The following KIAA1217 variants were observed in gnomAD, a reference collection of about 807,000 sequenced individuals.
KIAA1217 encodes sickle tail protein homolog.
KIAA1217 carries 88 observed loss-of-function variants against 163.9 expected under a neutral mutation model. The ratio of observed to expected loss-of-function variants is 0.54; its 90% confidence interval spans 0.45 to 0.64. KIAA1217 has a LOEUF of 0.64. KIAA1217 is among the 30% of genes least tolerant of loss of function. KIAA1217 has a pLI of 0.00. For missense variants in KIAA1217, 2,372 were observed against 2,475.0 expected, an observed-to-expected ratio of 0.96 and a Z score of 0.88; for synonymous variants, 903 against 923.1, an observed-to-expected ratio of 0.98 and a Z score of 0.39.
At chr10:23,869,929 G>A (rs562652072) in intron 1 of KIAA1217, among the ~76,000 whole-genome samples, 12 of 152,092 alleles carry the variant, frequency 7.9e-5, no homozygotes, top group East Asian at 7.7e-4. Context: ...CTTAAATACC[G>A]CCAGCATATG....
At chr10:24,454,118 A>G (rs1174041601) in intron 5 of KIAA1217, among the ~76,000 whole-genome samples, 3 of 152,354 alleles carry the variant, frequency 2.0e-5, no homozygotes, top group African/African-American at 7.2e-5. Context: ...GTCCAAATGA[A>G]TTCTAATTCC....
chr10:23,871,903 A>G (rs1194123012), intron 1 of KIAA1217, among the ~76,000 whole-genome samples: 1 of 152,110 alleles, frequency 6.6e-6, no homozygotes, highest in African/African-American at 2.4e-5. Flanking sequence ...AGTGTCACCC[A>G]CATGCCAGGA....
In KIAA1217 at chr10:24,272,574, T is replaced by C. The variant is rs560135042; in HGVS notation, c.354+52665T>C. ...AGGTTGACTCATTGTCAAAGCCACA[T>C]TCTACTCAAACTCAATGTACATAAC... is the stretch of plus-strand genomic sequence containing the variant. On this transcript the variant is annotated intron_variant, in intron 2 of 20. Coordinates refer to ENST00000376454, the MANE Select transcript of KIAA1217 (RefSeq NM_019590.5). Among the ~76,000 whole-genome samples the C allele has an allele frequency of 4.6e-5, 7 of 152,354 alleles. No individual in the cohort carries two copies. The East Asian group carries it at 1.2e-3, about 25-fold the overall frequency.
At chr10:24,538,828 G>A (rs1031357553) in intron 17 of KIAA1217, among the ~76,000 whole-genome samples, 2 of 135,054 alleles carry the variant, frequency 1.5e-5, no homozygotes, top group African/African-American at 2.7e-5. Flanking sequence ...TCCGCCTCCC[G>A]GGTTCAAGCA....
At chr10:23,704,682 C>T (rs891906887) in intron 1 of KIAA1217, among the ~76,000 whole-genome samples, 1 of 152,258 alleles carries the variant, frequency 6.6e-6, no homozygotes, top group South Asian at 2.1e-4. Context: ...TATGGATATA[C>T]CACATTTTAT....
intron 1 of KIAA1217, among the ~76,000 whole-genome samples, chr10:23,924,923 AT>A (rs1382079621): frequency 6.7e-6 from 1 of 149,814 alleles, no homozygotes; most frequent in East Asian, 1.9e-4. Context: ...AATTTTAGAA[AT>A]TTTTAAAAGT....
chr10:24,391,069 A>G (rs897488209), intron 3 of KIAA1217, among the ~76,000 whole-genome samples: 1 of 152,172 alleles, frequency 6.6e-6, no homozygotes, highest in East Asian at 1.9e-4. Context: ...CTTTGAAGCA[A>G]TTGTTTAGTT....
At chr10:24,062,050 T>C (rs1407460940) in intron 2 of KIAA1217, among the ~76,000 whole-genome samples, 1 of 152,120 alleles carries the variant, frequency 6.6e-6, no homozygotes, top group Non-Finnish European at 1.5e-5. Flanking sequence ...TTCAGATGAC[T>C]TGGCTTTGAC....
intron 1 of KIAA1217, among the ~76,000 whole-genome samples, chr10:23,991,693 G>A (rs1846225858): frequency 6.6e-6 from 1 of 152,142 alleles, no homozygotes; most frequent in Non-Finnish European, 1.5e-5. Flanking sequence ...TGATATATCA[G>A]TATATCACAA....
intron 1 of KIAA1217, among the ~76,000 whole-genome samples, chr10:23,895,217 G>A (rs1035097782): frequency 6.6e-6 from 1 of 151,930 alleles, no homozygotes; most frequent in Non-Finnish European, 1.5e-5. Context: ...CCACAAAATG[G>A]GAGAAAATTT....
intron 1 of KIAA1217, among the ~76,000 whole-genome samples, chr10:23,973,571 A>G (rs1845410971): frequency 6.6e-6 from 1 of 152,252 alleles, no homozygotes. Flanking sequence ...GAGAACAAAT[A>G]CATGGATTTG....
At chr10:24,226,188 T>C (rs538668720) in intron 2 of KIAA1217, among the ~76,000 whole-genome samples, 1 of 152,190 alleles carries the variant, frequency 6.6e-6, no homozygotes, top group Admixed American at 6.5e-5. Context: ...TTTATGGTCT[T>C]TTCATTCATT....
intron 1 of KIAA1217, among the ~76,000 whole-genome samples, chr10:23,754,080 G>T (rs1833793225): frequency 1.3e-5 from 2 of 152,158 alleles, no homozygotes; most frequent in South Asian, 2.1e-4. Flanking sequence ...ACCTTTCTGG[G>T]TATCTGCCAG....
At chr10:24,337,490 C>T (rs2046488407) in intron 2 of KIAA1217, among the ~76,000 whole-genome samples, 1 of 152,152 alleles carries the variant, frequency 6.6e-6, no homozygotes, top group Non-Finnish European at 1.5e-5. Flanking sequence ...GGTTGGTCTG[C>T]CCATGCGCAT....
rs941128798 is a variant in KIAA1217, at chr10:24,209,212, C to G, written c.19C>G (p.Gln7Glu). The G allele has an allele frequency of 9.9e-6, 16 of 1,613,770 alleles. No individual in the cohort carries two copies. The highest frequency in any genetic ancestry group is 1.4e-5 in the Non-Finnish European group (16 of 1,179,942). MEENES[Q>E]KCEPCLPYSA... ...AGAGACAATGGAAGAAAATGAAAGC[C>G]AGAAATGTGAGCCGTGCCTTCCTTA... The change falls in exon 1 of 21, where the codon CAG becomes GAG. Residue 7 changes from glutamine to glutamate, a missense_variant. Gln to Glu is a conservative substitution (Grantham distance 29). Around this residue, in one of 3 missense-constraint regions of KIAA1217, gnomAD observed 1,431 missense variants for 1,470.3 expected, o/e 0.97. Transcript: ENST00000376454.
intron 2 of KIAA1217, among the ~76,000 whole-genome samples, chr10:24,361,734 G>T (rs1365045062): frequency 1.3e-5 from 2 of 152,154 alleles, no homozygotes; most frequent in African/African-American, 4.8e-5. Flanking sequence ...CCAGCCCTTT[G>T]GGAGGCCGAG....
intron 1 of KIAA1217, among the ~76,000 whole-genome samples, chr10:23,939,183 A>G (rs1331125990): frequency 6.6e-6 from 1 of 152,196 alleles, no homozygotes; most frequent in African/African-American, 2.4e-5. Flanking sequence ...AGAAAGTAAA[A>G]AAGGAGCAAA....
intron 2 of KIAA1217, among the ~76,000 whole-genome samples, chr10:24,266,669 T>C (rs1353037067): frequency 1.3e-5 from 2 of 152,088 alleles, no homozygotes; most frequent in Admixed American, 1.3e-4. Context: ...TAAAATGCAC[T>C]AATCAGCACT....
intron 2 of KIAA1217, among the ~76,000 whole-genome samples, chr10:24,030,771 G>C: frequency 6.6e-6 from 1 of 152,246 alleles, no homozygotes; most frequent in Non-Finnish European, 1.5e-5. Flanking sequence ...TAAAATATTT[G>C]TCTGTTGGTG....
Sources: allele counts gnomAD v4.1 joint callset (sites outside exome capture counted in the v4.1 genomes callset), GRCh38; gene constraint gnomAD v4.1.1; regional missense constraint gnomAD v4.1.1; transcripts MANE v1.5; gene names NCBI Gene and HGNC (gene_info 2026-07-23, HGNC 2026-07-21).